Variants in MAP4K4 observed in about 807,000 individuals in gnomAD.
MAP4K4 encodes the protein mitogen-activated protein kinase kinase kinase kinase 4.
A neutral mutation model predicts 189.6 loss-of-function variants in MAP4K4; 38 were observed. That is an observed-to-expected ratio of 0.20 (90% CI 0.15 to 0.26). MAP4K4 has a LOEUF of 0.26. Among genes scored for constraint, MAP4K4 ranks in the 10% least tolerant of loss-of-function variants. The pLI, the probability that MAP4K4 is intolerant of heterozygous loss-of-function variation, is 1.00. For synonymous variants in MAP4K4, 610 were observed against 624.3 expected, an observed-to-expected ratio of 0.98 and a Z score of 0.34; for missense variants, 1,054 against 1,726.9, an observed-to-expected ratio of 0.61 and a Z score of 6.91.
At chr2:101,850,914 T>C (rs1353603269) in intron 12 of MAP4K4, among the ~76,000 whole-genome samples, 3 of 149,464 alleles carry the variant, frequency 2.0e-5, no homozygotes, top group African/African-American at 5.1e-5. Context: ...AACTCAGGGG[T>C]TGATGGTATA....
chr2:101,806,522 C>T (rs1254706443), intron 3 of MAP4K4, among the ~76,000 whole-genome samples: 4 of 152,028 alleles, frequency 2.6e-5, no homozygotes, highest in Admixed American at 1.3e-4. Context: ...ACTACAGGCA[C>T]GTGCCACCGT....
intron 2 of MAP4K4, among the ~76,000 whole-genome samples, chr2:101,786,142 G>A (rs1391111516): frequency 6.6e-6 from 1 of 151,866 alleles, no homozygotes; most frequent in Non-Finnish European, 1.5e-5. Context: ...TTTTCTTTTG[G>A]GATTTAAAAG....
intron 3 of MAP4K4, chr2:101,797,201 G>T: frequency 7.8e-7 from 1 of 1,278,060 alleles, no homozygotes; most frequent in Non-Finnish European, 1.0e-6. Context: ...GGAAGGGAAG[G>T]AGAGATCTCT....
chr2:101,706,489 A>G (rs1351634825), intron 2 of MAP4K4, among the ~76,000 whole-genome samples: 1 of 152,022 alleles, frequency 6.6e-6, no homozygotes, highest in Non-Finnish European at 1.5e-5. Flanking sequence ...TTAGTTTTTC[A>G]TTTGCTTAGT....
rs527846334 is a variant in MAP4K4 at position 101,830,466 on chromosome 2, A to T, written c.508+872A>T. Among the ~76,000 whole-genome samples the T allele has an allele frequency of 3.9e-5, 6 of 152,194 alleles. No individual in the cohort carries two copies. In the South Asian group the frequency reaches 1.0e-3, roughly 26 times the overall value. ...AAAATTTTAAATAGAGTTTGTATTA[A>T]TTTTTCTTCCACTAACACATCACAA... is the stretch of plus-strand genomic sequence containing the variant. On this transcript the variant is annotated intron_variant, in intron 6 of 32. Coordinates refer to ENST00000324219, the Ensembl canonical transcript of MAP4K4.
chr2:101,786,687 TGTA>T (rs1294262800), intron 2 of MAP4K4, among the ~76,000 whole-genome samples: 10 of 152,230 alleles, frequency 6.6e-5, no homozygotes, highest in Non-Finnish European at 1.5e-4. Context: ...TCTTGAAGTA[TGTA>T]TATAAAATCA....
Position 101,842,577 on chromosome 2 carries a change from C to G in MAP4K4, c.950-32C>G, listed in dbSNP as rs1257092999. On this transcript the variant is annotated intron_variant, in intron 10 of 32. Coordinates refer to ENST00000324219, the Ensembl canonical transcript of MAP4K4. Reference sequence around the variant, plus strand: ...ACAGGCGTGTGTCAGGACTTGTGAACTGTCCCATTTATCTTGTCCTTTTCT... The same window carrying G: ...ACAGGCGTGTGTCAGGACTTGTGAAGTGTCCCATTTATCTTGTCCTTTTCT... 3 of 1,513,266 alleles carry G rather than the reference C, an allele frequency of 2.0e-6. No homozygotes were observed. In the Admixed American group the frequency reaches 5.6e-5, roughly 28 times the overall value. The allele number at this position is 1,513,266 out of a possible 1,614,324, so 93.7% of individuals were successfully genotyped here.
At chr2:101,848,840 C>T (rs2097190833) in intron 12 of MAP4K4, among the ~76,000 whole-genome samples, 1 of 152,196 alleles carries the variant, frequency 6.6e-6, no homozygotes, top group Non-Finnish European at 1.5e-5. Flanking sequence ...GAAGTCCTTG[C>T]AACTCTTTTG....
chr2:101,861,540 C>CT (rs1456540456), intron 16 of MAP4K4: 6 of 152,464 alleles, frequency 3.9e-5, no homozygotes. Context: ...AAGTTTAGAT[C>CT]TAGTGGGTTA....
At chr2:101,713,862 C>A (rs1236992841) in intron 2 of MAP4K4, among the ~76,000 whole-genome samples, 4 of 152,130 alleles carry the variant, frequency 2.6e-5, no homozygotes, top group African/African-American at 7.2e-5. Flanking sequence ...CCACTGCACT[C>A]CAGCCTGGGT....
chr2:101,851,427 C>T (rs2108195), intron 12 of MAP4K4, among the ~76,000 whole-genome samples: 1 of 152,130 alleles, frequency 6.6e-6, no homozygotes, highest in South Asian at 2.1e-4. Context: ...CAATCATAGG[C>T]ATAAGGTTAA....
chr2:101,866,953 G>A (rs112771534), intron 19 of MAP4K4, among the ~76,000 whole-genome samples: 166 of 151,448 alleles, frequency 1.1e-3, no homozygotes, highest in Admixed American at 3.0e-3. Context: ...TCCCTCTACT[G>A]TATTATTGAC....
intron 3 of MAP4K4, among the ~76,000 whole-genome samples, chr2:101,804,486 T>G (rs35523846): frequency 6.6e-6 from 1 of 151,972 alleles, no homozygotes; most frequent in Non-Finnish European, 1.5e-5. Flanking sequence ...GCCACTGTCT[T>G]TGTCAGTTAT....
chr2:101,776,382 T>C lies in MAP4K4; in HGVS notation c.124-14338T>C, dbSNP rs1398686322. Among the ~76,000 whole-genome samples, 3 of 152,168 alleles carry C rather than the reference T, an allele frequency of 2.0e-5. No homozygotes were observed. The East Asian group carries it at 5.8e-4, about 29-fold the overall frequency. On this transcript the variant is annotated intron_variant, in intron 2 of 32. Transcript: ENST00000324219. ...TGAGCGATAAGGCCTGTAGGGACGC[T>C]GGAGAGCTCCTGCTGGTCTAACGGG...
intron 2 of MAP4K4, among the ~76,000 whole-genome samples, chr2:101,761,996 T>C (rs951056097): frequency 7.9e-5 from 12 of 151,368 alleles, no homozygotes; most frequent in Admixed American, 6.6e-4. Flanking sequence ...CTGGGTGGAC[T>C]GAGATAGGTC....
At chr2:101,891,076 C>A in intron 32 of MAP4K4, 90 bp from the exon 33 acceptor site, 2 of 980,936 alleles carry the variant, frequency 2.0e-6, no homozygotes, top group South Asian at 1.3e-5. Context: ...TCGTACTTGA[C>A]AGTGTTGAGG....
At chr2:101,818,975 G>A (rs908282299) in intron 3 of MAP4K4, among the ~76,000 whole-genome samples, 14 of 152,100 alleles carry the variant, frequency 9.2e-5, no homozygotes, top group Non-Finnish European at 1.6e-4. Flanking sequence ...TCTTGATTTT[G>A]TTTTTCATTT....
At chr2:101,832,958 G>A (rs2149442214) in intron 7 of MAP4K4, among the ~76,000 whole-genome samples, 1 of 152,256 alleles carries the variant, frequency 6.6e-6, no homozygotes, top group Middle Eastern at 3.4e-3. Flanking sequence ...AACCTTCTTA[G>A]CAAAATCACT....
intron 3 of MAP4K4, among the ~76,000 whole-genome samples, chr2:101,810,937 A>C (rs955947713): frequency 6.6e-6 from 1 of 152,218 alleles, no homozygotes; most frequent in Non-Finnish European, 1.5e-5. Flanking sequence ...CATGGACAAG[A>C]CGGTGCCTTA....
Sources: allele counts gnomAD v4.1 joint callset (sites outside exome capture counted in the v4.1 genomes callset), GRCh38; gene constraint gnomAD v4.1.1; transcripts MANE v1.5; gene names NCBI Gene and HGNC (gene_info 2026-07-23, HGNC 2026-07-21).